The following LDHC variants were observed in gnomAD, a reference collection of about 807,000 sequenced individuals.
The protein encoded by LDHC is L-lactate dehydrogenase C chain.
A neutral mutation model predicts 30.2 loss-of-function variants in LDHC; 20 were observed. The ratio of observed to expected loss-of-function variants is 0.66; its 90% CI spans 0.47 to 0.96. The LOEUF (loss-of-function observed/expected upper bound fraction) is 0.96, where lower values mean the gene tolerates loss of function less well. Ranked by LOEUF, LDHC falls within the 40% of genes least tolerant of loss-of-function variation. The pLI is 0.00. For missense variants in LDHC, 362 were observed against 394.9 expected, an observed-to-expected ratio of 0.92 and a Z score of 0.71; for synonymous variants, 139 against 132.7, an observed-to-expected ratio of 1.05 and a Z score of -0.32.
chr11:18,445,926 G>T (rs922815447), intron 6 of LDHC, among the ~76,000 whole-genome samples: 5 of 152,142 alleles, frequency 3.3e-5, no homozygotes, highest in Non-Finnish European at 7.4e-5. Flanking sequence ...AGTGAGCCAT[G>T]ATCACACACA....
Position 18,451,005 on chromosome 11 carries a change from T to C in LDHC, c.877T>C (p.Cys293Arg). The change falls in exon 8 of 8, where the codon TGT becomes CGT. Residue 293 changes from cysteine (C) to arginine (R), a missense_variant. Physicochemically the swap from Cys to Arg is radical, Grantham distance 180 (BLOSUM62 -3). Coordinates refer to ENST00000541669, the MANE Select transcript of LDHC (RefSeq NM_017448.5). ...AGAAGAACTCTTTCTCAGTATCCCT[T>C]GTGTCTTGGGGCGGAATGGTGTCTC... ...IKEELFLSIP[C>R]VLGRNGVSDV... is the part of the protein sequence containing the mutation. The C allele has an allele frequency of 6.3e-7, 1 of 1,596,510 alleles. No individual in the cohort carries two copies. Among genetic ancestry groups the C allele is most frequent in the Admixed American group, 1.8e-5 (1 of 54,916 alleles).
At chr11:18,436,083 A>G (rs1276745892) in intron 5 of LDHC, among the ~76,000 whole-genome samples, 1 of 152,228 alleles carries the variant, frequency 6.6e-6, no homozygotes, top group Admixed American at 6.5e-5. Context: ...TTATAATCCA[A>G]GAGCCATAAT....
At chr11:18,426,892 A>G (rs748026837) in intron 3 of LDHC, among the ~76,000 whole-genome samples, 1 of 152,296 alleles carries the variant, frequency 6.6e-6, no homozygotes, top group East Asian at 1.9e-4. Context: ...TTTATGAATG[A>G]TATGATAAAT....
At chr11:18,426,303 G>C (rs1848161432) in intron 3 of LDHC, among the ~76,000 whole-genome samples, 1 of 152,146 alleles carries the variant, frequency 6.6e-6, no homozygotes, top group Admixed American at 6.5e-5. Flanking sequence ...GAGGCAGGTG[G>C]ATCACCTGAG....
At chr11:18,420,506 G>A (rs1867100789) in intron 3 of LDHC, among the ~76,000 whole-genome samples, 1 of 152,006 alleles carries the variant, frequency 6.6e-6, no homozygotes, top group Non-Finnish European at 1.5e-5. Context: ...TGCTGAGGGA[G>A]GAGTAAGTGT....
chr11:18,436,533 C>A (rs1301844960), intron 5 of LDHC, among the ~76,000 whole-genome samples: 1 of 126,938 alleles, frequency 7.9e-6, no homozygotes. Context: ...GTTGCCCAGG[C>A]TGGAGTGCAA....
intron 6 of LDHC, among the ~76,000 whole-genome samples, chr11:18,442,986 T>A (rs750655938): frequency 6.6e-6 from 1 of 152,142 alleles, no homozygotes; most frequent in South Asian, 2.1e-4. Flanking sequence ...CCAAACTATT[T>A]CCATAAGTAT....
chr11:18,450,535 C>G (rs552389230), intron 7 of LDHC: 6 of 157,428 alleles, frequency 3.8e-5, no homozygotes, highest in Non-Finnish European at 6.9e-5. Context: ...AATGATGCTC[C>G]CTGCTGTAAA....
At chr11:18,443,304 C>G (rs780124917) in intron 6 of LDHC, among the ~76,000 whole-genome samples, 7 of 152,134 alleles carry the variant, frequency 4.6e-5, no homozygotes, top group Non-Finnish European at 7.4e-5. Flanking sequence ...TCCATACCCC[C>G]CACCCACTAA....
chr11:18,434,277 G>A (rs1848319236), intron 4 of LDHC, among the ~76,000 whole-genome samples: 1 of 149,730 alleles, frequency 6.7e-6, no homozygotes, highest in African/African-American at 2.5e-5. Flanking sequence ...TCCCTGATTA[G>A]CTTAATAGCT....
In LDHC at chr11:18,429,839, T is replaced by C. The variant is rs146472745; in HGVS notation, c.347T>C (p.Ile116Thr). 1.9e-6 allele frequency: 3 copies of C among 1,611,762 alleles called. No individual in the cohort carries two copies. The highest frequency in any genetic ancestry group is 2.5e-6 in the Non-Finnish European group (3 of 1,177,846). Residue 116 changes from isoleucine to threonine, a missense_variant, in exon 4 of 8, where the codon ATA becomes ACA. By Grantham distance (89) the Ile-to-Thr change is moderately conservative. Transcript: ENST00000541669. ...GCCCTGGTCCAACGTAATGTGGCTA[T>C]AATGAAATCAATCATTCCTGCCATA... The part of the protein sequence containing the change: ...RLALVQRNVA[I>T]MKSIIPAIVH...
At chr11:18,443,518 G>T (rs1236734988) in intron 6 of LDHC, among the ~76,000 whole-genome samples, 2 of 146,796 alleles carry the variant, frequency 1.4e-5, no homozygotes, top group Non-Finnish European at 3.0e-5. Context: ...GGAGTGTAGT[G>T]GCATGATCTT....
chr11:18,437,983 T>G (rs1249712892), intron 5 of LDHC, among the ~76,000 whole-genome samples: 5 of 151,916 alleles, frequency 3.3e-5, no homozygotes, highest in Non-Finnish European at 7.4e-5. Flanking sequence ...AAGAATCCCT[T>G]GAACTTGGGA....
chr11:18,449,428 T>TAA (rs557136321), intron 7 of LDHC, among the ~76,000 whole-genome samples: 569 of 48,446 alleles, frequency 0.012, 51 homozygotes, highest in Middle Eastern at 0.019. Context: ...CACTGTCTCC[T>TAA]AAAAAAAAAA....
At chr11:18,431,626 A>G (rs1056097977) in intron 4 of LDHC, among the ~76,000 whole-genome samples, 10 of 152,126 alleles carry the variant, frequency 6.6e-5, no homozygotes, top group East Asian at 1.9e-4. Flanking sequence ...GCTCACCACA[A>G]TCTCCTTGTC....
At chr11:18,420,986 G>A (rs920991155) in intron 3 of LDHC, among the ~76,000 whole-genome samples, 27 of 152,048 alleles carry the variant, frequency 1.8e-4, no homozygotes, top group African/African-American at 6.0e-4. Flanking sequence ...CAGGAAGTGT[G>A]GTGATTAACT....
Position 18,439,820 on chromosome 11 carries a change from A to AC in LDHC, c.710+1175_710+1176insC, listed in dbSNP as rs1319598806. 2.7e-4 allele frequency among the ~76,000 whole-genome samples: 39 copies of AC among 142,878 alleles called. 1 individual carries two copies. Among genetic ancestry groups the AC allele is most frequent in the African/African-American group, 9.6e-4 (37 of 38,658 alleles). The allele number at this position is 142,878 out of a possible 152,430, so 93.7% of individuals were successfully genotyped here. A position where few individuals can be genotyped will look rare whatever the true frequency, so the allele number is the denominator to read the frequency against. On this transcript the variant is annotated intron_variant, in intron 6 of 7. Coordinates refer to ENST00000541669, the MANE Select transcript of LDHC (RefSeq NM_017448.5). ...TGAAAACCGTCTCTACTAAAAAAAA[A>AC]AAAAAAAAAAAAAAAACAAAAATTA...
In LDHC at chr11:18,451,212, T is replaced by C. The variant is rs139913717; in HGVS notation, c.*85T>C. 2.2e-4 allele frequency: 207 copies of C among 958,002 alleles called. No individual in the cohort carries two copies. The African/African-American group carries it at 3.0e-3, about 14-fold the overall frequency. 59.3% of individuals were successfully genotyped at this position (958,002 alleles called of 1,614,324 possible). A position where few individuals can be genotyped will look rare whatever the true frequency, so the allele number is the denominator to read the frequency against. The stretch of plus-strand genomic sequence containing the variant: ...AAATTTTGAAAGTATTTTCATTTGA[T>C]CTTTAAAAAATAAAAACAAATTGGA... On this transcript the variant is annotated 3_prime_UTR_variant, in exon 8 of 8. Coordinates refer to ENST00000541669, the MANE Select transcript of LDHC (RefSeq NM_017448.5).
At chr11:18,413,919 T>G (rs1037164765) in intron 2 of LDHC, among the ~76,000 whole-genome samples, 7 of 152,258 alleles carry the variant, frequency 4.6e-5, no homozygotes, top group African/African-American at 1.7e-4. Flanking sequence ...GAAATATTGT[T>G]CATGTAACTG....
Sources: allele counts gnomAD v4.1 joint callset (sites outside exome capture counted in the v4.1 genomes callset), GRCh38; gene constraint gnomAD v4.1.1; transcripts MANE v1.5; gene names NCBI Gene and HGNC (gene_info 2026-07-23, HGNC 2026-07-21).